Variants in TAF7L observed in about 807,000 individuals in gnomAD.
TAF7L encodes transcription initiation factor TFIID subunit 7-like.
Under a neutral mutation model 30.2 loss-of-function variants are expected in TAF7L, and 6 were observed. The ratio of observed to expected loss-of-function variants is 0.20; its 90% CI spans 0.11 to 0.39. The LOEUF (loss-of-function observed/expected upper bound fraction) is 0.39, where lower values mean the gene tolerates loss of function less well. Among genes scored for constraint, TAF7L ranks in the 10% least tolerant of loss-of-function variants. The probability of loss-of-function intolerance (pLI) is 1.00; values close to 1 mark genes in which losing one functional copy is unlikely to be tolerated. For synonymous variants in TAF7L, 93 were observed against 94.5 expected (o/e 0.98, Z 0.09); for missense variants, 284 against 277.1 (o/e 1.03, Z -0.18).
intron 12 of TAF7L, among the ~76,000 whole-genome samples, chrX:101,273,133 A>C (rs73250679): frequency 0.025 from 2,777 of 111,341 alleles, 51 homozygotes; most frequent in Admixed American, 0.081. Flanking sequence ...TTTTTATTGC[A>C]GTTTAAAAAT....
rs374509814 is a variant in TAF7L at position 101,285,233 on chromosome X, C to T, written c.145+1342G>A. ...GCTGTAGGCCAGGCACAGTAGCTCA[C>T]GCCTGTAATCCCAGCACTTTGGGAG... On this transcript the variant is annotated intron_variant, in intron 3 of 12. Coordinates refer to ENST00000356784, the MANE Select transcript of TAF7L (RefSeq NM_001168474.2). Among the ~76,000 whole-genome samples the T allele has an allele frequency of 6.8e-3, 759 of 110,904 alleles. 3 individuals carry two copies. The highest frequency in any genetic ancestry group is 0.065 in the Middle Eastern group (14 of 214).
At chrX:101,280,060 A>AAC (rs1176747377) in intron 6 of TAF7L, among the ~76,000 whole-genome samples, 5 of 110,370 alleles carry the variant, frequency 4.5e-5, no homozygotes, top group African/African-American at 1.6e-4. Flanking sequence ...AAAAAAAAAA[A>AAC]AGCAGGAGAA....
chrX:101,291,405 G>T, upstream of TAF7L: 2 of 407,925 alleles, frequency 4.9e-6, no homozygotes, highest in Non-Finnish European at 6.2e-6. Flanking sequence ...ACGCCTCCGC[G>T]GCCGCGCTGC....
chrX:101,290,327 G>GTA (rs1312971750), intron 1 of TAF7L, among the ~76,000 whole-genome samples: 3 of 111,852 alleles, frequency 2.7e-5, no homozygotes, highest in African/African-American at 9.8e-5. Context: ...AGATATATAT[G>GTA]TATATATATG....
chrX:101,274,776 A>T, intron 12 of TAF7L, among the ~76,000 whole-genome samples: 1 of 112,143 alleles, frequency 8.9e-6, no homozygotes, highest in Non-Finnish European at 1.9e-5. Flanking sequence ...ATGTATGTAT[A>T]GCTCACATTT....
chrX:101,288,097 G>A lies in TAF7L; in HGVS notation c.-2-552C>T, dbSNP rs141579893. ...GCAGTTTTTTATGACTCTAGAGCCA[G>A]CAACAACAGCTTTGAGCTACCCTGG... On this transcript the variant is annotated intron_variant, in intron 1 of 12. Coordinates refer to ENST00000356784, the MANE Select transcript of TAF7L (RefSeq NM_001168474.2). Among the ~76,000 whole-genome samples, 507 of 110,337 alleles carry A rather than the reference G, an allele frequency of 4.6e-3. 2 individuals carry two copies. Among genetic ancestry groups the A allele is most frequent in the Non-Finnish European group, 5.2e-3 (274 of 52,775 alleles).
At chrX:101,292,437 CAAA>C (rs145821944), upstream of TAF7L, among the ~76,000 whole-genome samples, 148 of 35,741 alleles carry the variant, frequency 4.1e-3, no homozygotes, top group African/African-American at 0.014. Context: ...GAAACTCCGT[CAAA>C]AAAAAAAAAA....
chrX:101,278,042 A>AG lies in TAF7L; in HGVS notation c.577+6dup. On this transcript the variant is annotated splice_region_variant and intron_variant, in intron 8 of 12. Coordinates refer to ENST00000356784, the MANE Select transcript of TAF7L (RefSeq NM_001168474.2). ...GACTATGCAGAAAATATTTGTATAA[A>AG]GGATACGGGTACTTACGGCTTCAGC... The AG allele has an allele frequency of 8.3e-7, 1 of 1,204,333 alleles. No homozygotes were observed. The highest frequency in any genetic ancestry group is 3.0e-5 in the East Asian group (1 of 33,816).
intron 9 of TAF7L, 95 bp from the exon 10 acceptor site, chrX:101,276,623 C>A: frequency 3.3e-6 from 3 of 919,536 alleles, no homozygotes; most frequent in Non-Finnish European, 4.5e-6. Flanking sequence ...ATTCCCCAGG[C>A]AACCAGTGAA....
At chrX:101,292,209 A>G (rs2147390018), upstream of TAF7L, among the ~76,000 whole-genome samples, 1 of 96,239 alleles carries the variant, frequency 1.0e-5, no homozygotes, top group East Asian at 3.3e-4. Flanking sequence ...ACTGCACTCC[A>G]GCCTGGGCGA....
At chrX:101,292,523 C>T (rs1188694209), upstream of TAF7L, among the ~76,000 whole-genome samples, 1 of 106,708 alleles carries the variant, frequency 9.4e-6, no homozygotes, top group East Asian at 3.0e-4. Flanking sequence ...TCCCTAGGCA[C>T]GGTGACCTCG....
upstream of TAF7L, among the ~76,000 whole-genome samples, chrX:101,292,437 C>CAA (rs145821944): frequency 1.0e-3 from 36 of 35,708 alleles, no homozygotes; most frequent in African/African-American, 2.6e-3. Context: ...GAAACTCCGT[C>CAA]AAAAAAAAAA....
At chrX:101,272,295 T>C (rs1307712323) in intron 12 of TAF7L, among the ~76,000 whole-genome samples, 1 of 112,159 alleles carries the variant, frequency 8.9e-6, no homozygotes, top group African/African-American at 3.2e-5. Context: ...ACCCAACTCC[T>C]GTCAATTCTA....
At chrX:101,290,197 AAAAAC>A (rs763682311) in intron 1 of TAF7L, among the ~76,000 whole-genome samples, 2 of 110,881 alleles carry the variant, frequency 1.8e-5, no homozygotes, top group African/African-American at 6.6e-5. Flanking sequence ...ACTCCTTCTC[AAAAAC>A]AAAACAAAAC....
rs779628545 is a variant in TAF7L at position 101,287,530 on chromosome X, T to C, written c.14A>G (p.Gln5Arg). The C allele has an allele frequency of 3.3e-6, 4 of 1,208,879 alleles. No individual in the cohort carries two copies. Among genetic ancestry groups the C allele is most frequent in the Non-Finnish European group, 4.5e-6 (4 of 893,417 alleles). ...CTCAACTTCATCAGGAACTTCATCC[T>C]GGCTTTCACTCATGTCTTGATTTTG... MSESQDEVPDEVENQ... is the reference protein window; with the variant it reads MSESRDEVPDEVENQ... The change falls in exon 2 of 13, where the codon CAG becomes CGG. Residue 5 changes from glutamine to arginine, a missense_variant. Transcript: ENST00000356784.
At chrX:101,282,743 CAG>C (rs1924459093) in intron 4 of TAF7L, among the ~76,000 whole-genome samples, 1 of 109,611 alleles carries the variant, frequency 9.1e-6, no homozygotes, top group South Asian at 3.9e-4. Context: ...ATATTGGAAA[CAG>C]ATCTTGGAAC....
At chrX:101,269,369 C>G (rs1319366308) in intron 12 of TAF7L, 132 bp from the exon 13 acceptor site, 1 of 570,771 alleles carries the variant, frequency 1.8e-6, no homozygotes, top group African/African-American at 2.2e-5. Context: ...CTTAGTCTTG[C>G]AATGTTCCAG....
At chrX:101,272,009 TG>T (rs1387811913) in intron 12 of TAF7L, among the ~76,000 whole-genome samples, 4 of 111,100 alleles carry the variant, frequency 3.6e-5, no homozygotes, top group Admixed American at 9.6e-5. Flanking sequence ...CTTGTGGGGA[TG>T]GGGGTGGGGA....
At chrX:101,286,192 AAAAG>A (rs1005206920) in intron 3 of TAF7L, among the ~76,000 whole-genome samples, 8,079 of 105,965 alleles carry the variant, frequency 0.076, 395 homozygotes, top group African/African-American at 0.15. Flanking sequence ...AAAAAAAAAA[AAAAG>A]AAAGAAAGAA....
Sources: gnomAD v4.1 joint callset for allele counts (sites outside exome capture counted in the v4.1 genomes callset) on GRCh38, gnomAD v4.1.1 for gene constraint, MANE v1.5 for transcripts, NCBI Gene and HGNC (gene_info 2026-07-23, HGNC 2026-07-21) for gene names.